Variants in KANK1 observed in about 807,000 individuals in gnomAD.
The protein encoded by KANK1 is KN motif and ankyrin repeat domains 1.
Under a neutral mutation model 106.2 loss-of-function variants are expected in KANK1, and 109 were observed. The ratio of observed to expected loss-of-function variants is 1.03; its 90% confidence interval spans 0.88 to 1.20. The LOEUF (loss-of-function observed/expected upper bound fraction) is 1.20, where lower values mean the gene tolerates loss of function less well. KANK1 is among the 50% of genes most tolerant of loss of function. The probability of loss-of-function intolerance (pLI) is 0.00; values close to 1 mark genes in which losing one functional copy is unlikely to be tolerated. For missense variants in KANK1, 2,399 were observed against 1,710.7 expected (o/e 1.40, Z -7.10); for synonymous variants, 873 against 652.2 (o/e 1.34, Z -5.16).
intron 1 of KANK1, among the ~76,000 whole-genome samples, chr9:670,070 T>C (rs901885938): frequency 6.6e-6 from 1 of 152,200 alleles, no homozygotes; most frequent in Non-Finnish European, 1.5e-5. Context: ...CAAGATTCGT[T>C]TGATTTTTTA....
intron 1 of KANK1, among the ~76,000 whole-genome samples, chr9:562,244 G>T (rs962112299): frequency 6.6e-6 from 1 of 150,774 alleles, no homozygotes; most frequent in African/African-American, 2.4e-5. Flanking sequence ...AGTAGAGACG[G>T]GGTTTCACCT....
At chr9:679,627 C>A (rs749952685) in intron 2 of KANK1, among the ~76,000 whole-genome samples, 26 of 152,058 alleles carry the variant, frequency 1.7e-4, no homozygotes, top group Non-Finnish European at 3.4e-4. Context: ...GTTAACCAGG[C>A]TGGGGTTGAA....
chr9:716,790 C>T (rs559613688), intron 3 of KANK1, among the ~76,000 whole-genome samples: 23 of 152,248 alleles, frequency 1.5e-4, no homozygotes, highest in Admixed American at 7.2e-4. Flanking sequence ...GCATAGGCAA[C>T]GTAGTGAGAC....
chr9:630,204 C>T (rs917056816), intron 1 of KANK1, among the ~76,000 whole-genome samples: 3 of 151,908 alleles, frequency 2.0e-5, no homozygotes, highest in Admixed American at 6.6e-5. Context: ...GCTGAGGTTG[C>T]ACCACTGCAT....
In KANK1 at chr9:712,945, A is replaced by C. The variant is rs775141016; in HGVS notation, c.2179A>C (p.Ile727Leu). 5 of 1,614,198 alleles carry C rather than the reference A, an allele frequency of 3.1e-6. No individual in the cohort carries two copies. The highest frequency in any genetic ancestry group is 4.2e-6 in the Non-Finnish European group (5 of 1,180,042). The change falls in exon 3 of 12, where the codon ATC becomes CTC. Residue 727 changes from isoleucine to leucine, a missense_variant. Physicochemically the swap from Ile to Leu is conservative, Grantham distance 5. Transcript: ENST00000382297. ...VAVGEGRVKD[I>L]NSSTKTRSIG... is the part of the protein sequence containing the mutation. ...TGTAGGAGAAGGCCGTGTCAAGGACATCAACTCCTCCACCAAGACGCGGTC... is the reference window on the plus strand; with the variant it reads ...TGTAGGAGAAGGCCGTGTCAAGGACCTCAACTCCTCCACCAAGACGCGGTC...
intron 1 of KANK1, among the ~76,000 whole-genome samples, chr9:597,880 A>C (rs1032644224): frequency 6.6e-6 from 1 of 151,302 alleles, no homozygotes; most frequent in East Asian, 1.9e-4. Flanking sequence ...TGGCCAGGCT[A>C]TCTTGAACTC....
At position 712,335 on chromosome 9, in the gene KANK1, A is replaced by C. The variant is rs1331798898; in HGVS notation, c.1569A>C (p.Arg523Ser). 9.3e-6 allele frequency: 15 copies of C among 1,614,082 alleles called. No individual in the cohort carries two copies. The highest frequency in any genetic ancestry group is 1.2e-5 in the Non-Finnish European group (14 of 1,180,048). Residue 523 changes from arginine to serine, a missense_variant, in exon 3 of 12, where the codon AGA becomes AGC. Coordinates refer to ENST00000382297, the MANE Select transcript of KANK1 (RefSeq NM_015158.5). ...SKVVEAVVQT[R>S]DQMVGSHMDL... ...TGGTGGAGGCAGTGGTGCAGACCAG[A>C]GACCAAATGGTCGGCAGTCACATGG...
At chr9:532,097 G>C (rs1007291173) in intron 1 of KANK1, among the ~76,000 whole-genome samples, 8 of 152,320 alleles carry the variant, frequency 5.3e-5, no homozygotes, top group Middle Eastern at 6.8e-3. Flanking sequence ...GGGCCACTCT[G>C]AGCCCCTGTG....
At chr9:583,823 A>G (rs928116043) in intron 1 of KANK1, among the ~76,000 whole-genome samples, 13 of 152,068 alleles carry the variant, frequency 8.5e-5, no homozygotes, top group African/African-American at 2.9e-4. Context: ...TAGTAGAAAA[A>G]TAGAGAACAT....
At chr9:683,532 C>G (rs963890041) in intron 2 of KANK1, among the ~76,000 whole-genome samples, 1 of 152,194 alleles carries the variant, frequency 6.6e-6, no homozygotes, top group Non-Finnish European at 1.5e-5. Flanking sequence ...ACATGGAGAA[C>G]ATTTTTCCTT....
At chr9:569,387 G>T (rs762243976) in intron 1 of KANK1, among the ~76,000 whole-genome samples, 17 of 151,964 alleles carry the variant, frequency 1.1e-4, no homozygotes, top group Non-Finnish European at 7.4e-5. Flanking sequence ...ATCCATTCAT[G>T]GATTAATGGA....
intron 3 of KANK1, among the ~76,000 whole-genome samples, chr9:488,490 C>A (rs142008802): frequency 6.6e-6 from 1 of 152,340 alleles, no homozygotes; most frequent in East Asian, 1.9e-4. Context: ...GAGACAAAAT[C>A]TGGATTTGAA....
At chr9:541,889 A>G (rs2060622067) in intron 1 of KANK1, among the ~76,000 whole-genome samples, 1 of 151,942 alleles carries the variant, frequency 6.6e-6, no homozygotes, top group Non-Finnish European at 1.5e-5. Flanking sequence ...GGAGATCGAG[A>G]CCATCCTGGC....
intron 10 of KANK1, among the ~76,000 whole-genome samples, chr9:742,631 TA>T: frequency 6.6e-6 from 1 of 152,130 alleles, no homozygotes; most frequent in East Asian, 1.9e-4. Flanking sequence ...AAATAGGCCC[TA>T]CCCCAAAAAT....
intron 1 of KANK1, among the ~76,000 whole-genome samples, chr9:644,223 G>A (rs958299222): frequency 1.3e-5 from 2 of 150,934 alleles, no homozygotes; most frequent in East Asian, 1.9e-4. Flanking sequence ...TCTAGAGACC[G>A]AACTATAGTG....
chr9:481,030 C>T (rs1449872617), intron 3 of KANK1, among the ~76,000 whole-genome samples: 1 of 152,180 alleles, frequency 6.6e-6, no homozygotes, highest in African/African-American at 2.4e-5. Context: ...CCTAGCCTAG[C>T]CTACCTTACA....
At chr9:528,864 A>G (rs138251153) in intron 1 of KANK1, among the ~76,000 whole-genome samples, 4 of 152,204 alleles carry the variant, frequency 2.6e-5, no homozygotes, top group Non-Finnish European at 5.9e-5. Context: ...CAGTCTTATG[A>G]TCACTGCTCA....
intron 1 of KANK1, among the ~76,000 whole-genome samples, chr9:566,491 C>G (rs1003894635): frequency 6.6e-6 from 1 of 152,210 alleles, no homozygotes; most frequent in African/African-American, 2.4e-5. Context: ...TGTAAATGTT[C>G]CTTTTTCTCT....
chr9:666,934 T>C (rs1844749299), intron 1 of KANK1, among the ~76,000 whole-genome samples: 1 of 145,912 alleles, frequency 6.9e-6, no homozygotes, highest in Non-Finnish European at 1.5e-5. Context: ...TTGGTGGCCT[T>C]ATCTGGTTTT....
Sources: gnomAD v4.1 joint callset for allele counts (sites outside exome capture counted in the v4.1 genomes callset) on GRCh38, gnomAD v4.1.1 for gene constraint, MANE v1.5 for transcripts, NCBI Gene and HGNC (gene_info 2026-07-23, HGNC 2026-07-21) for gene names.